Variants in PI4K2B observed in about 807,000 individuals in gnomAD.
PI4K2B encodes phosphatidylinositol 4-kinase type 2-beta.
A neutral mutation model predicts 56.6 loss-of-function variants in PI4K2B; 46 were observed. That is an observed-to-expected ratio of 0.81 (90% CI 0.64 to 1.04). The LOEUF is 1.04. Among genes scored for constraint, PI4K2B ranks in the 50% least tolerant of loss-of-function variants. The pLI is 0.00. For synonymous variants in PI4K2B, 211 were observed against 223.8 expected (o/e 0.94, Z 0.51); for missense variants, 556 against 607.7 (o/e 0.91, Z 0.89).
At chr4:25,234,505 C>T in intron 1 of PI4K2B, 74 bp downstream of exon 1, 2 of 1,082,926 alleles carry the variant, frequency 1.8e-6, no homozygotes, top group Non-Finnish European at 1.2e-6. Flanking sequence ...GGTCCTGTCT[C>T]CCGCGCGCGC....
chr4:25,242,612 C>T (rs1044916390), intron 1 of PI4K2B, among the ~76,000 whole-genome samples: 1 of 152,260 alleles, frequency 6.6e-6, no homozygotes, highest in Non-Finnish European at 1.5e-5. Context: ...CTCCACTGAC[C>T]ATTCAGTTTT....
intron 6 of PI4K2B, among the ~76,000 whole-genome samples, chr4:25,262,624 C>CT (rs908673656): frequency 2.0e-4 from 30 of 151,156 alleles, no homozygotes; most frequent in African/African-American, 4.1e-4. Flanking sequence ...TCAGAATACC[C>CT]TTTTTTTTTC....
At chr4:25,272,698 G>T (rs1716945556) in intron 9 of PI4K2B, among the ~76,000 whole-genome samples, 1 of 152,106 alleles carries the variant, frequency 6.6e-6, no homozygotes, top group Middle Eastern at 3.4e-3. Flanking sequence ...GGGAAAAAAA[G>T]ATCTAAAAAA....
At chr4:25,238,867 C>G (rs931376153) in intron 1 of PI4K2B, among the ~76,000 whole-genome samples, 10 of 152,126 alleles carry the variant, frequency 6.6e-5, no homozygotes, top group Non-Finnish European at 2.9e-5. Context: ...TTCGGGCAGC[C>G]TGCTTTTATT....
chr4:25,247,711 C>T (rs1238988561), intron 1 of PI4K2B, among the ~76,000 whole-genome samples: 2 of 146,952 alleles, frequency 1.4e-5, no homozygotes, highest in African/African-American at 2.5e-5. Flanking sequence ...CCTCAAGTTT[C>T]TTTTTTTTTT....
At chr4:25,275,484 C>T (rs773344991) in intron 9 of PI4K2B, among the ~76,000 whole-genome samples, 8 of 151,972 alleles carry the variant, frequency 5.3e-5, no homozygotes, top group African/African-American at 9.7e-5. Flanking sequence ...GGCAACAAAG[C>T]GAAACCCTGT....
intron 7 of PI4K2B, among the ~76,000 whole-genome samples, chr4:25,264,524 T>C (rs1209505712): frequency 6.6e-6 from 1 of 152,000 alleles, no homozygotes; most frequent in Non-Finnish European, 1.5e-5. Context: ...AAATTGGTAA[T>C]GATTGAGTTA....
rs186081133 is a variant in PI4K2B, at chr4:25,245,768, C to T, written c.269-6553C>T. ...GATAGGTGACAGTCTCACTGCTCAG[C>T]GATAGGCGATGGTCTCACTGCTCGG... On this transcript the variant is annotated intron_variant, in intron 1 of 9. Transcript: ENST00000264864. 1.7e-3 allele frequency among the ~76,000 whole-genome samples: 253 copies of T among 152,218 alleles called. 2 individuals carry two copies. The highest frequency in any genetic ancestry group is 2.8e-3 in the Non-Finnish European group (189 of 68,010).
chr4:25,255,617 TTTTTC>T (rs1416629448), intron 3 of PI4K2B, among the ~76,000 whole-genome samples: 1 of 152,190 alleles, frequency 6.6e-6, no homozygotes, highest in African/African-American at 2.4e-5. Context: ...ATACAAAATT[TTTTTC>T]TTTTCTCTTG....
At chr4:25,276,587 G>A in intron 9 of PI4K2B, 1 of 876,794 alleles carries the variant, frequency 1.1e-6, no homozygotes, top group Non-Finnish European at 1.4e-6. Context: ...GCACATAGTA[G>A]GCATACAATA....
At chr4:25,241,398 G>T (rs1715516495) in intron 1 of PI4K2B, among the ~76,000 whole-genome samples, 1 of 152,178 alleles carries the variant, frequency 6.6e-6, no homozygotes, top group Non-Finnish European at 1.5e-5. Context: ...TAGTTAAGGG[G>T]ACTTCTAAGA....
intron 1 of PI4K2B, among the ~76,000 whole-genome samples, chr4:25,243,787 C>CT (rs1346251037): frequency 6.6e-6 from 1 of 152,144 alleles, no homozygotes; most frequent in African/African-American, 2.4e-5. Flanking sequence ...AATTCATGGG[C>CT]TTTTTTCTAA....
chr4:25,269,052 G>T, intron 8 of PI4K2B, 92 bp from the exon 9 acceptor site: 1 of 646,644 alleles, frequency 1.5e-6, no homozygotes, highest in South Asian at 2.1e-5. Context: ...CTTTTTAATG[G>T]CCTTATTTGC....
At position 25,234,188 on chromosome 4, in the gene PI4K2B, C is replaced by T. The variant is rs1478974889; in HGVS notation, c.25C>T (p.Arg9Trp). 1 of 1,400,880 alleles carries T rather than the reference C, an allele frequency of 7.1e-7. No individual in the cohort carries two copies. The highest frequency in any genetic ancestry group is 3.0e-5 in the Admixed American group (1 of 33,622). 86.8% of individuals were successfully genotyped at this position (1,400,880 alleles called of 1,614,324 possible). The change falls in exon 1 of 10, where the codon CGG (arginine) becomes TGG (tryptophan). Residue 9 changes from arginine to tryptophan, a missense_variant. Arg to Trp is a moderately radical substitution (Grantham distance 101, BLOSUM62 -3). Transcript: ENST00000264864. The stretch of plus-strand genomic sequence containing the variant: ...CATGGAGGATCCCTCCGAGCCCGAC[C>T]GGTTGGCGTCCGCGGACGGCGGGAG... MEDPSEPD[R>W]LASADGGSPE...
At chr4:25,261,338 A>T (rs1716470782) in intron 6 of PI4K2B, among the ~76,000 whole-genome samples, 1 of 152,212 alleles carries the variant, frequency 6.6e-6, no homozygotes, top group Non-Finnish European at 1.5e-5. Context: ...TGGTTTTAAC[A>T]TATATAATAG....
chr4:25,245,909 T>C (rs1001761730), intron 1 of PI4K2B, among the ~76,000 whole-genome samples: 2 of 152,126 alleles, frequency 1.3e-5, no homozygotes, highest in Non-Finnish European at 2.9e-5. Context: ...ATCTGGGTCA[T>C]CAAAATGTGT....
intron 7 of PI4K2B, among the ~76,000 whole-genome samples, chr4:25,265,860 C>T (rs1225662201): frequency 6.6e-6 from 1 of 152,130 alleles, no homozygotes; most frequent in East Asian, 1.9e-4. Flanking sequence ...GGTTGTTAGT[C>T]ATATCATATC....
chr4:25,263,012 C>G (rs1228659312), intron 6 of PI4K2B, among the ~76,000 whole-genome samples: 2 of 152,156 alleles, frequency 1.3e-5, no homozygotes, highest in African/African-American at 4.8e-5. Context: ...TGGCAGAAGG[C>G]ACCTCTTCAC....
intron 1 of PI4K2B, among the ~76,000 whole-genome samples, chr4:25,235,281 T>G (rs941034020): frequency 1.3e-5 from 2 of 152,188 alleles, no homozygotes; most frequent in Non-Finnish European, 2.9e-5. Context: ...TGAGGATGGA[T>G]TAAATGAGAT....
Sources: gnomAD v4.1 joint callset for allele counts (sites outside exome capture counted in the v4.1 genomes callset) on GRCh38, gnomAD v4.1.1 for gene constraint, MANE v1.5 for transcripts, NCBI Gene and HGNC (gene_info 2026-07-23, HGNC 2026-07-21) for gene names.